The following SMTNL2 variants were observed in gnomAD, a reference collection of about 807,000 sequenced individuals.
The protein encoded by SMTNL2 is smoothelin like 2.
SMTNL2 carries 43 observed loss-of-function variants against 44.1 expected under a neutral mutation model. The observed-to-expected ratio is 0.98, with a 90% CI of 0.76 to 1.26. The LOEUF is 1.26. Ranked by LOEUF, SMTNL2 falls within the 50% of genes most tolerant of loss-of-function variation. The pLI is 0.00. For missense variants in SMTNL2, 646 were observed against 670.2 expected (o/e 0.96, Z 0.40); for synonymous variants, 317 against 287.6 (o/e 1.10, Z -1.03).
In SMTNL2 at chr17:4,585,018, A is replaced by G. The variant is rs929003531; in HGVS notation, c.399+14A>G. The G allele has an allele frequency of 8.4e-6, 11 of 1,309,900 alleles. No homozygotes were observed. In the Admixed American group the frequency reaches 4.2e-4, roughly 49 times the overall value. 81.1% of individuals were successfully genotyped at this position (1,309,900 alleles called of 1,614,324 possible). ...GGCCGCGGCCAGGTGAGCCCGGGGG[A>G]GCGCGTGCGCTGGCGCCAGGGAGTG... On this transcript the variant is annotated intron_variant, in intron 1 of 7. Coordinates refer to ENST00000389313, the MANE Select transcript of SMTNL2 (RefSeq NM_001114974.2).
rs1437597882 is a variant in SMTNL2, at chr17:4,584,857, G to A, written c.252G>A (p.Leu84=). Residue 84 remains leucine, a synonymous_variant, in exon 1 of 8, where the codon CTG becomes CTA. Coordinates refer to ENST00000389313, the MANE Select transcript of SMTNL2 (RefSeq NM_001114974.2). Reference sequence around the variant, plus strand: ...GCCTGACGCGCCAGGTGGAGGCGCTGGGCTTGGCCAGCGGGATGTCCCCGG... The same window carrying A: ...GCCTGACGCGCCAGGTGGAGGCGCTAGGCTTGGCCAGCGGGATGTCCCCGG... ...LERLTRQVEA[L]GLASGMSPVP... 25 of 1,317,876 alleles carry A rather than the reference G, an allele frequency of 1.9e-5. No homozygotes were observed. Among genetic ancestry groups the A allele is most frequent in the Non-Finnish European group, 2.3e-5 (24 of 1,035,644 alleles). 81.6% of individuals were successfully genotyped at this position (1,317,876 alleles called of 1,614,324 possible).
In SMTNL2 at chr17:4,593,865, T is replaced by C. The variant is rs8080130; in HGVS notation, c.774T>C (p.Tyr258=). The change falls in exon 4 of 8, where the codon TAT becomes TAC. Residue 258 remains tyrosine, a synonymous_variant. Coordinates refer to ENST00000389313, the MANE Select transcript of SMTNL2 (RefSeq NM_001114974.2). ...CGTGGTCTGTGCCAAGCTCTGGCTA[T>C]GGGGCAGTGACAGCAAGCAAACACA... is the stretch of plus-strand genomic sequence containing the variant. ...SFTWSVPSSG[Y]GAVTASKHSN... is the part of the protein sequence containing the mutation. The C allele has an allele frequency of 0.66, 1,071,129 of 1,613,522 alleles. 357,859 individuals are homozygous for C. Among genetic ancestry groups the C allele is most frequent in the East Asian group, 0.86 (38,432 of 44,832 alleles).
In SMTNL2 at chr17:4,595,279, C is replaced by G. The variant is rs201295295; in HGVS notation, c.941C>G (p.Ala314Gly). Residue 314 changes from alanine to glycine, a missense_variant, in exon 5 of 8, where the codon GCC becomes GGC. By Grantham distance (60) the Ala-to-Gly change is moderately conservative (BLOSUM62 0). Transcript: ENST00000389313. This position sits in a 1 kb window ranked among gnomAD's most constrained non-coding sequence, Gnocchi z 5.1. Reference protein sequence around the residue: ...QTLPRTSEAQARKALFEKWEQ... With the variant: ...QTLPRTSEAQGRKALFEKWEQ... Reference sequence around the variant, plus strand: ...CTGCCCCGCACCTCGGAGGCGCAGGCCCGGAAAGCATTGTTTGAGAAGTGG... The same window carrying G: ...CTGCCCCGCACCTCGGAGGCGCAGGGCCGGAAAGCATTGTTTGAGAAGTGG... 1 of 1,613,216 alleles carries G rather than the reference C, an allele frequency of 6.2e-7. No homozygotes were observed. Among genetic ancestry groups the G allele is most frequent in the Non-Finnish European group, 8.5e-7 (1 of 1,179,902 alleles).
rs189522971 is a variant in SMTNL2 at position 4,595,596 on chromosome 17, C to T, written c.989+269C>T. Reference sequence around the variant, plus strand: ...GAGCCCCTCTCTCCTCCTCCATTCCCGAGGCCCCCTGTCCTGTCTCTGGTG... The same window carrying T: ...GAGCCCCTCTCTCCTCCTCCATTCCTGAGGCCCCCTGTCCTGTCTCTGGTG... On this transcript the variant is annotated intron_variant, in intron 5 of 7. Coordinates refer to ENST00000389313, the MANE Select transcript of SMTNL2 (RefSeq NM_001114974.2). The surrounding 1 kb of genome is among the most constrained non-coding windows in gnomAD (Gnocchi z 5.1). 3.3e-5 allele frequency among the ~76,000 whole-genome samples: 5 copies of T among 152,332 alleles called. No homozygotes were observed. The highest frequency in any genetic ancestry group is 2.0e-4 in the Admixed American group (3 of 15,308).
intron 1 of SMTNL2, among the ~76,000 whole-genome samples, chr17:4,590,261 C>T (rs1323197229): frequency 1.3e-5 from 2 of 152,114 alleles, no homozygotes; most frequent in Non-Finnish European, 2.9e-5. Flanking sequence ...GCCACCGCGC[C>T]TGGCCCCGTG....
rs747093775 is a variant in SMTNL2 at position 4,597,317 on chromosome 17, T to G, written c.1253T>G (p.Met418Arg). ...RQKNFELAFT[M>R]AENLANCERL... Reference sequence around the variant, plus strand: ...AAGAACTTCGAGCTGGCTTTCACCATGGCCGAGTGAGTATGGTGGCTCCTG... The same window carrying G: ...AAGAACTTCGAGCTGGCTTTCACCAGGGCCGAGTGAGTATGGTGGCTCCTG... Residue 418 changes from methionine (M) to arginine (R), a missense_variant, in exon 7 of 8, where the codon ATG becomes AGG. Physicochemically the swap from Met to Arg is moderately conservative, Grantham distance 91. Coordinates refer to ENST00000389313, the MANE Select transcript of SMTNL2 (RefSeq NM_001114974.2). 38 of 1,613,816 alleles carry G rather than the reference T, an allele frequency of 2.4e-5. No homozygotes were observed. Among genetic ancestry groups the G allele is most frequent in the Non-Finnish European group, 8.5e-7 (1 of 1,179,866 alleles).
Position 4,584,656 on chromosome 17 carries a change from G to A in SMTNL2, c.51G>A (p.Leu17=). 1 of 1,274,544 alleles carries A rather than the reference G, an allele frequency of 7.8e-7. No homozygotes were observed. Among genetic ancestry groups the A allele is most frequent in the Non-Finnish European group, 9.9e-7 (1 of 1,013,706 alleles). The allele number at this position is 1,274,544 out of a possible 1,614,324, so 79.0% of individuals were successfully genotyped here. ...AGGCGCGCACTGTGCGCGAGGCGCT[G>A]GGCCGCTACGAGGCGGCGCTGGAGG... ...AQEARTVREA[L]GRYEAALEGA... The change falls in exon 1 of 8, where the codon CTG becomes CTA. Residue 17 remains leucine (L), a synonymous_variant. Transcript: ENST00000389313.
chr17:4,598,049 G>A lies in SMTNL2; in HGVS notation c.1259+726G>A, dbSNP rs139854332. ...CCTTTACAAAGGCGTGGGCAGGAAT[G>A]AGGTCGTGGGTCAGGCCTCATGCAG... On this transcript the variant is annotated intron_variant, in intron 7 of 7. Transcript: ENST00000389313. This position sits in a 1 kb window ranked among gnomAD's most constrained non-coding sequence, Gnocchi z 4.8. Among the ~76,000 whole-genome samples, 180 of 152,368 alleles carry A rather than the reference G, an allele frequency of 1.2e-3. 1 individual carries two copies. The highest frequency in any genetic ancestry group is 4.2e-3 in the African/African-American group (175 of 41,590).
Position 4,584,877 on chromosome 17 carries a change from C to A in SMTNL2, c.272C>A (p.Ser91Tyr). 2 of 1,307,516 alleles carry A rather than the reference C, an allele frequency of 1.5e-6. No individual in the cohort carries two copies. Among genetic ancestry groups the A allele is most frequent in the African/African-American group, 1.6e-5 (1 of 64,460 alleles). The allele number at this position is 1,307,516 out of a possible 1,614,324, so 81.0% of individuals were successfully genotyped here. ...VEALGLASGM[S>Y]PVPGTPGTPS... ...GCGCTGGGCTTGGCCAGCGGGATGT[C>A]CCCGGTGCCCGGCACTCCCGGCACG... The change falls in exon 1 of 8, where the codon TCC becomes TAC. Residue 91 changes from serine to tyrosine, a missense_variant. Physicochemically the swap from Ser to Tyr is moderately radical, Grantham distance 144. Transcript: ENST00000389313.
chr17:4,588,976 A>G lies in SMTNL2; in HGVS notation c.400-3385A>G, dbSNP rs1390973124. Among the ~76,000 whole-genome samples, 7 of 152,196 alleles carry G rather than the reference A, an allele frequency of 4.6e-5. No homozygotes were observed. In the East Asian group the frequency reaches 1.2e-3, roughly 25 times the overall value. On this transcript the variant is annotated intron_variant, in intron 1 of 7. Transcript: ENST00000389313. Reference sequence around the variant, plus strand: ...TCTCAGAATAGCCCCTTGCGCCTTGACCTAAGGCACGGGCAGACCCCTTTC... The same window carrying G: ...TCTCAGAATAGCCCCTTGCGCCTTGGCCTAAGGCACGGGCAGACCCCTTTC...
In SMTNL2 at chr17:4,592,467, GA is replaced by G; in HGVS notation, c.487+20del. ...GGGGCAGGTAGGGCTGACGGCAGAG[GA>G]GGGGTGGCTGGGTAGGTTTGGGGGT... On this transcript the variant is annotated intron_variant, in intron 2 of 7. Transcript: ENST00000389313. This position sits in a 1 kb window ranked among gnomAD's most constrained non-coding sequence, Gnocchi z 4.5. The G allele has an allele frequency of 6.2e-7, 1 of 1,608,006 alleles. No homozygotes were observed. Among genetic ancestry groups the G allele is most frequent in the Non-Finnish European group, 8.5e-7 (1 of 1,177,286 alleles).
chr17:4,592,833 G>A lies in SMTNL2; in HGVS notation c.488-96G>A. The A allele has an allele frequency of 6.7e-7, 1 of 1,491,414 alleles. No individual in the cohort carries two copies. The highest frequency in any genetic ancestry group is 9.0e-7 in the Non-Finnish European group (1 of 1,110,866). 92.4% of individuals were successfully genotyped at this position (1,491,414 alleles called of 1,614,324 possible). ...AGGGAGGCCTTCCTAGAGGAGGTGG[G>A]AGGAGGGCCCAGGGAGGCTAGAGCC... is the stretch of plus-strand genomic sequence containing the variant. On this transcript the variant is annotated intron_variant, in intron 2 of 7. Coordinates refer to ENST00000389313, the MANE Select transcript of SMTNL2 (RefSeq NM_001114974.2). The surrounding 1 kb of genome is among the most constrained non-coding windows in gnomAD (Gnocchi z 4.5).
At chr17:4,586,551 CCA>C (rs1434360251) in intron 1 of SMTNL2, among the ~76,000 whole-genome samples, 2 of 151,350 alleles carry the variant, frequency 1.3e-5, no homozygotes, top group Admixed American at 1.3e-4. Context: ...GGAATTCTCT[CCA>C]GTCGTGATTT....
chr17:4,590,192 C>T (rs986210025), intron 1 of SMTNL2, among the ~76,000 whole-genome samples: 7 of 152,052 alleles, frequency 4.6e-5, no homozygotes, highest in African/African-American at 9.6e-5. Context: ...GTCTTGAACT[C>T]GTGACCTCAA....
chr17:4,607,529 G>C lies in SMTNL2; in HGVS notation c.*42G>C. 1 of 1,599,314 alleles carries C rather than the reference G, an allele frequency of 6.3e-7. No individual in the cohort carries two copies. The highest frequency in any genetic ancestry group is 2.2e-5 in the East Asian group (1 of 44,498). On this transcript the variant is annotated 3_prime_UTR_variant, in exon 8 of 8. Coordinates refer to ENST00000389313, the MANE Select transcript of SMTNL2 (RefSeq NM_001114974.2). The surrounding 1 kb of genome is among the most constrained non-coding windows in gnomAD (Gnocchi z 4.7). ...TTGCCAAAGAGCAGCCCCAGGAAGA[G>C]GCCGGGGGTCCGCTTGCGATTCCCC...
In SMTNL2 at chr17:4,596,928, T is replaced by A; in HGVS notation, c.1058T>A (p.Ile353Asn). Reference protein sequence around the residue: ...QSFGVASASSIKQILLEWCRS... With the variant: ...QSFGVASASSNKQILLEWCRS... ...TTCGGCGTGGCCAGCGCCAGCAGCA[T>A]CAAGCAGATCCTGCTCGAGTGGTGC... Residue 353 changes from isoleucine (I) to asparagine (N), a missense_variant, in exon 6 of 8, where the codon ATC becomes AAC. Physicochemically the swap from Ile to Asn is moderately radical, Grantham distance 149. Transcript: ENST00000389313. 1 of 1,527,804 alleles carries A rather than the reference T, an allele frequency of 6.5e-7. No individual in the cohort carries two copies. Among genetic ancestry groups the A allele is most frequent in the South Asian group, 1.2e-5 (1 of 83,348 alleles). 94.6% of individuals were successfully genotyped at this position (1,527,804 alleles called of 1,614,324 possible).
chr17:4,602,654 TG>T (rs1408034341), intron 7 of SMTNL2, among the ~76,000 whole-genome samples: 1 of 151,640 alleles, frequency 6.6e-6, no homozygotes, highest in Admixed American at 6.6e-5. Context: ...GACGGGGTTT[TG>T]CCATGTTGCC....
chr17:4,589,827 C>T (rs1387147478), intron 1 of SMTNL2, among the ~76,000 whole-genome samples: 2 of 151,960 alleles, frequency 1.3e-5, no homozygotes, highest in African/African-American at 2.4e-5. Context: ...TGTCCCCCGC[C>T]CCACGCTTCT....
chr17:4,607,666 C>A lies in SMTNL2; in HGVS notation c.*179C>A. On this transcript the variant is annotated 3_prime_UTR_variant, in exon 8 of 8. Transcript: ENST00000389313. The surrounding 1 kb of genome is among the most constrained non-coding windows in gnomAD (Gnocchi z 4.7). ...GCTGTGTTACTGATTAAAAGTACTG[C>A]TGAGCTGTGGTCCGACAGCACTGAT... 1 of 1,032,784 alleles carries A rather than the reference C, an allele frequency of 9.7e-7. No homozygotes were observed. Among genetic ancestry groups the A allele is most frequent in the Non-Finnish European group, 1.4e-6 (1 of 734,860 alleles). 64.0% of individuals were successfully genotyped at this position (1,032,784 alleles called of 1,614,324 possible).
Sources: allele counts gnomAD v4.1 joint callset (sites outside exome capture counted in the v4.1 genomes callset), GRCh38; gene constraint gnomAD v4.1.1; non-coding constraint Gnocchi (gnomAD v3.1); transcripts MANE v1.5; gene names NCBI Gene and HGNC (gene_info 2026-07-23, HGNC 2026-07-21).